The following ZNF283 variants were observed in gnomAD, a reference collection of about 807,000 sequenced individuals.
The protein encoded by ZNF283 is zinc finger protein 41.
ZNF283 carries 10 observed loss-of-function variants against 9.2 expected under a neutral mutation model. The ratio of observed to expected loss-of-function variants is 1.09; its 90% CI spans 0.67 to 1.85. The LOEUF (loss-of-function observed/expected upper bound fraction) is 1.85. ZNF283 is among the 40% of genes most tolerant of loss of function. The pLI, the probability that ZNF283 is intolerant of heterozygous loss-of-function variation, is 0.00. For missense variants in ZNF283, 631 were observed against 760.1 expected (o/e 0.83, Z 2.00); for synonymous variants, 234 against 244.1 (o/e 0.96, Z 0.38).
chr19:43,831,220 A>G (rs537443447), intron 2 of ZNF283, 98 bp from the exon 3 acceptor site: 20 of 708,776 alleles, frequency 2.8e-5, no homozygotes, highest in Non-Finnish European at 3.9e-5. Context: ...CCGTACTTAC[A>G]GAGTATCTAC....
At position 43,851,029 on chromosome 19, in the gene ZNF283, TTCAG is replaced by T. The variant is rs1386507708; in HGVS notation, c.*2396_*2399del. The T allele has an allele frequency of 2.0e-5, 3 of 152,330 alleles. No homozygotes were observed. The highest frequency in any genetic ancestry group is 6.5e-5 in the Admixed American group (1 of 15,296). 9.4% of individuals were successfully genotyped at this position (152,330 alleles called of 1,614,324 possible). A position where few individuals can be genotyped will look rare whatever the true frequency, so the allele number is the denominator to read the frequency against. On this transcript the variant is annotated 3_prime_UTR_variant, in exon 7 of 7. Coordinates refer to ENST00000618787, the MANE Select transcript of ZNF283 (RefSeq NM_181845.2). ...ACATAGGGGATTCGTAATATCACTGTTCAGTCAGTCATTCACCATCTAGTGATCA... is the reference window on the plus strand; with the variant it reads ...ACATAGGGGATTCGTAATATCACTGTTCAGTCATTCACCATCTAGTGATCA...
At chr19:43,837,638 A>G (rs1599719648) in intron 6 of ZNF283, 2 of 173,014 alleles carry the variant, frequency 1.2e-5, no homozygotes, top group East Asian at 3.0e-4. Flanking sequence ...AAATTTATAA[A>G]TAGATAAATA....
At chr19:43,846,576 C>T (rs10415545) in intron 6 of ZNF283, among the ~76,000 whole-genome samples, 5,858 of 152,204 alleles carry the variant, frequency 0.038, 368 homozygotes, top group African/African-American at 0.13. Context: ...AAAACAAAAT[C>T]AGCCAAAGCT....
At chr19:43,837,464 A>G in intron 6 of ZNF283, 1 of 401,778 alleles carries the variant, frequency 2.5e-6, no homozygotes, top group Non-Finnish European at 4.4e-6. Context: ...TTTCATAACT[A>G]TGGCAAAGAA....
At chr19:43,846,877 GTTTTT>G (rs72062467) in intron 6 of ZNF283, 57 bp from the exon 7 acceptor site, 4 of 838,878 alleles carry the variant, frequency 4.8e-6, no homozygotes, top group East Asian at 4.0e-5. Flanking sequence ...TTCTACTGTA[GTTTTT>G]TTTTTTTTTT....
chr19:43,830,687 G>C (rs1970665944), intron 2 of ZNF283, among the ~76,000 whole-genome samples: 1 of 152,008 alleles, frequency 6.6e-6, no homozygotes, highest in African/African-American at 2.4e-5. Context: ...TGGATCACTT[G>C]AGGTCAGGAG....
At chr19:43,842,565 T>G (rs1422362212) in intron 6 of ZNF283, among the ~76,000 whole-genome samples, 1 of 152,250 alleles carries the variant, frequency 6.6e-6, no homozygotes, top group Non-Finnish European at 1.5e-5. Flanking sequence ...TTTGGTTTTA[T>G]CCTTAGTCCT....
In ZNF283 at chr19:43,851,933, A is replaced by G. The variant is rs1423291037; in HGVS notation, c.*3292A>G. On this transcript the variant is annotated 3_prime_UTR_variant, in exon 7 of 7. Coordinates refer to ENST00000618787, the MANE Select transcript of ZNF283 (RefSeq NM_181845.2). The stretch of plus-strand genomic sequence containing the variant: ...TTGTTAGCTATGATGGAATGGCAGC[A>G]TCATGGTCTCAGTTATGAGTGAAAA... 2 of 152,244 alleles carry G rather than the reference A, an allele frequency of 1.3e-5. No individual in the cohort carries two copies. The highest frequency in any genetic ancestry group is 3.9e-4 in the East Asian group (2 of 5,194). The allele number at this position is 152,244 out of a possible 1,614,324, so 9.4% of individuals were successfully genotyped here.
intron 6 of ZNF283, among the ~76,000 whole-genome samples, chr19:43,842,151 C>T (rs902433016): frequency 2.6e-5 from 4 of 152,132 alleles, no homozygotes; most frequent in South Asian, 2.1e-4. Flanking sequence ...CCACCAGTCA[C>T]GGAGGTGCAA....
rs572872104 is a variant in ZNF283, at chr19:43,833,393, C to T, written c.1-112C>T. 7.1e-5 allele frequency: 13 copies of T among 181,910 alleles called. No homozygotes were observed. In the East Asian group the frequency reaches 1.8e-3, roughly 25 times the overall value. The allele number at this position is 181,910 out of a possible 1,614,324, so 11.3% of individuals were successfully genotyped here. A position where few individuals can be genotyped will look rare whatever the true frequency, so the allele number is the denominator to read the frequency against. ...TTATTAAACCTTTTGCTTACTATTACGTAGTTTCTCATTTTTGGTTACCAG... is the reference window on the plus strand; with the variant it reads ...TTATTAAACCTTTTGCTTACTATTATGTAGTTTCTCATTTTTGGTTACCAG... On this transcript the variant is annotated intron_variant, in intron 3 of 6. Coordinates refer to ENST00000618787, the MANE Select transcript of ZNF283 (RefSeq NM_181845.2).
At chr19:43,831,237 C>A in intron 2 of ZNF283, 81 bp from the exon 3 acceptor site, 1 of 961,126 alleles carries the variant, frequency 1.0e-6, no homozygotes, top group Non-Finnish European at 1.6e-6. Flanking sequence ...CTACTCTATA[C>A]CAAATACTGT....
chr19:43,830,938 A>G (rs73052643), intron 2 of ZNF283, among the ~76,000 whole-genome samples: 25,942 of 148,872 alleles, frequency 0.17, 2,424 homozygotes, highest in Non-Finnish European at 0.21. Flanking sequence ...ATTAGTGTCC[A>G]ATAGAATGGA....
intron 2 of ZNF283, among the ~76,000 whole-genome samples, chr19:43,830,711 T>C (rs1230707846): frequency 6.6e-6 from 1 of 151,942 alleles, no homozygotes; most frequent in Non-Finnish European, 1.5e-5. Flanking sequence ...GAGACCAACC[T>C]GACCAATATG....
chr19:43,836,618 G>A (rs948417581), intron 5 of ZNF283, among the ~76,000 whole-genome samples: 2 of 152,136 alleles, frequency 1.3e-5, no homozygotes, highest in Admixed American at 1.3e-4. Context: ...TTGGGATTAC[G>A]GGCATGAACC....
Position 43,850,468 on chromosome 19 carries a change from CTCTT to C in ZNF283, c.*1831_*1834del, listed in dbSNP as rs1248321614. The C allele has an allele frequency of 1.3e-5, 2 of 150,258 alleles. No individual in the cohort carries two copies. The highest frequency in any genetic ancestry group is 2.5e-5 in the African/African-American group (1 of 40,748). The allele number at this position is 150,258 out of a possible 1,614,324, so 9.3% of individuals were successfully genotyped here. A position where few individuals can be genotyped will look rare whatever the true frequency, so the allele number is the denominator to read the frequency against. ...TTTTTTTTTTTTTGGGACAGGATCT[CTCTT>C]TCTGTCACCAAGGCTGGAGTGCAGT... On this transcript the variant is annotated 3_prime_UTR_variant, in exon 7 of 7. Transcript: ENST00000618787.
At chr19:43,842,677 A>G (rs1971262476) in intron 6 of ZNF283, among the ~76,000 whole-genome samples, 2 of 152,234 alleles carry the variant, frequency 1.3e-5, no homozygotes, top group South Asian at 4.1e-4. Context: ...CCTTTCACAA[A>G]GTGAAAAATA....
intron 3 of ZNF283, among the ~76,000 whole-genome samples, chr19:43,832,780 T>A (rs2146536357): frequency 6.6e-6 from 1 of 151,034 alleles, no homozygotes; most frequent in East Asian, 1.9e-4. Flanking sequence ...CTTTGGGAGG[T>A]CAAGGCAGGA....
intron 3 of ZNF283, among the ~76,000 whole-genome samples, chr19:43,832,447 G>A (rs182483768): frequency 6.6e-6 from 1 of 152,314 alleles, no homozygotes; most frequent in East Asian, 1.9e-4. Flanking sequence ...ACCTAATCAG[G>A]TTGTATTTTC....
intron 6 of ZNF283, among the ~76,000 whole-genome samples, chr19:43,842,476 A>ATTTTG (rs3079671): frequency 6.6e-6 from 1 of 151,724 alleles, no homozygotes; most frequent in Non-Finnish European, 1.5e-5. Flanking sequence ...CCTAATAGTT[A>ATTTTG]AACTGTTCAG....
Sources: allele counts gnomAD v4.1 joint callset (sites outside exome capture counted in the v4.1 genomes callset), GRCh38; gene constraint gnomAD v4.1.1; transcripts MANE v1.5; gene names NCBI Gene and HGNC (gene_info 2026-07-23, HGNC 2026-07-21).